Variants in PHACTR1 observed in about 807,000 individuals in gnomAD.
The protein encoded by PHACTR1 is RPEL repeat containing 1.
Under a neutral mutation model 69.2 loss-of-function variants are expected in PHACTR1, and 16 were observed. The ratio of observed to expected loss-of-function variants is 0.23; its 90% CI spans 0.16 to 0.35. The LOEUF (loss-of-function observed/expected upper bound fraction) is 0.35. Ranked by LOEUF, PHACTR1 falls within the 10% of genes least tolerant of loss-of-function variation. PHACTR1 has a pLI of 1.00. For missense variants in PHACTR1, 510 were observed against 734.7 expected, an observed-to-expected ratio of 0.69 and a Z score of 3.54; for synonymous variants, 312 against 284.5, an observed-to-expected ratio of 1.10 and a Z score of -0.97.
At chr6:13,050,317 C>T (rs1296045348) in intron 4 of PHACTR1, among the ~76,000 whole-genome samples, 58 of 152,178 alleles carry the variant, frequency 3.8e-4, no homozygotes, top group Admixed American at 3.8e-3. Flanking sequence ...GTACTTAAAA[C>T]CTTCTGAATC....
chr6:12,845,415 T>G (rs1284126101), intron 4 of PHACTR1, among the ~76,000 whole-genome samples: 2 of 88,968 alleles, frequency 2.2e-5, no homozygotes, highest in African/African-American at 4.3e-5. Flanking sequence ...AAGATGTCAT[T>G]GTGAACACCA....
At chr6:12,957,374 A>G (rs1261633261) in intron 4 of PHACTR1, 2 of 984,874 alleles carry the variant, frequency 2.0e-6, no homozygotes, top group Non-Finnish European at 2.4e-6. Flanking sequence ...AGACTCCCAG[A>G]GATTGGGGAC....
intron 10 of PHACTR1, among the ~76,000 whole-genome samples, chr6:13,264,704 G>C (rs898397492): frequency 2.6e-5 from 4 of 151,234 alleles, no homozygotes; most frequent in African/African-American, 9.7e-5. Context: ...GGGCCACAGA[G>C]TGAGCCCTCA....
At chr6:13,034,658 C>A (rs1803029046) in intron 4 of PHACTR1, among the ~76,000 whole-genome samples, 1 of 152,104 alleles carries the variant, frequency 6.6e-6, no homozygotes, top group African/African-American at 2.4e-5. Flanking sequence ...GACTTGTTTG[C>A]CAGACTTAAA....
chr6:12,959,893 A>T, intron 4 of PHACTR1, among the ~76,000 whole-genome samples: 1 of 152,218 alleles, frequency 6.6e-6, no homozygotes, highest in South Asian at 2.1e-4. Flanking sequence ...GAGGACTTTT[A>T]TGTTGCTTTC....
At chr6:13,018,368 T>G (rs1358829022) in intron 4 of PHACTR1, among the ~76,000 whole-genome samples, 1 of 152,190 alleles carries the variant, frequency 6.6e-6, no homozygotes, top group Non-Finnish European at 1.5e-5. Flanking sequence ...ACTGCCTGTT[T>G]TCAGTGTCTC....
intron 4 of PHACTR1, among the ~76,000 whole-genome samples, chr6:12,941,890 G>A (rs1790098307): frequency 6.6e-6 from 1 of 152,208 alleles, no homozygotes; most frequent in African/African-American, 2.4e-5. Context: ...AAAACATCAT[G>A]AGTGGACCTG....
At chr6:13,213,465 C>G (rs905471989) in intron 8 of PHACTR1, among the ~76,000 whole-genome samples, 1 of 152,326 alleles carries the variant, frequency 6.6e-6, no homozygotes, top group South Asian at 2.1e-4. Flanking sequence ...CTTTTGCATA[C>G]TTGCAACAGG....
chr6:12,938,482 G>T (rs750565093), intron 4 of PHACTR1, among the ~76,000 whole-genome samples: 20 of 152,078 alleles, frequency 1.3e-4, no homozygotes, highest in Non-Finnish European at 2.5e-4. Flanking sequence ...CAATAACACG[G>T]CATGGCCCCA....
At chr6:13,199,571 G>A (rs897895697) in intron 7 of PHACTR1, among the ~76,000 whole-genome samples, 5 of 151,950 alleles carry the variant, frequency 3.3e-5, no homozygotes, top group Non-Finnish European at 7.4e-5. Flanking sequence ...AGTGCACATA[G>A]GGTAAATAAA....
At chr6:12,912,373 G>T (rs1786510628) in intron 4 of PHACTR1, among the ~76,000 whole-genome samples, 1 of 152,142 alleles carries the variant, frequency 6.6e-6, no homozygotes, top group Non-Finnish European at 1.5e-5. Flanking sequence ...CTAATCAGAG[G>T]GCCTATGTTG....
intron 5 of PHACTR1, among the ~76,000 whole-genome samples, chr6:13,097,259 G>A (rs190107151): frequency 6.6e-6 from 1 of 152,302 alleles, no homozygotes; most frequent in Admixed American, 6.5e-5. Context: ...AAAATGGAAA[G>A]CATTGTGCTT....
chr6:12,823,505 GGT>G (rs1776440734), intron 4 of PHACTR1, among the ~76,000 whole-genome samples: 1 of 152,080 alleles, frequency 6.6e-6, no homozygotes, highest in Non-Finnish European at 1.5e-5. Flanking sequence ...GTATTTTCTT[GGT>G]TATTACAAAC....
At chr6:12,750,375 C>G (rs1003395618) in intron 4 of PHACTR1, among the ~76,000 whole-genome samples, 1 of 151,776 alleles carries the variant, frequency 6.6e-6, no homozygotes, top group African/African-American at 2.4e-5. Flanking sequence ...GAACTGGTGC[C>G]CAAAGTGGCC....
chr6:12,807,575 C>T (rs559953452), intron 4 of PHACTR1, among the ~76,000 whole-genome samples: 1 of 152,290 alleles, frequency 6.6e-6, no homozygotes, highest in Admixed American at 6.5e-5. Context: ...TTTAGTTTGT[C>T]AGCAGACTGT....
rs577191245 is a variant in PHACTR1 at position 13,051,741 on chromosome 6, G to A, written c.251-1624G>A. 1.6e-4 allele frequency among the ~76,000 whole-genome samples: 25 copies of A among 152,268 alleles called. No homozygotes were observed. The East Asian group carries it at 4.8e-3, about 29-fold the overall frequency. Reference sequence around the variant, plus strand: ...TTGCTCTCTCCTCTTCACTTACATTGAGTTTTATATTGTAGCTCTGTTGTG... The same window carrying A: ...TTGCTCTCTCCTCTTCACTTACATTAAGTTTTATATTGTAGCTCTGTTGTG... On this transcript the variant is annotated intron_variant, in intron 4 of 14. Transcript: ENST00000332995.
intron 3 of PHACTR1, among the ~76,000 whole-genome samples, chr6:12,737,653 G>A (rs1764468286): frequency 6.6e-6 from 1 of 150,832 alleles, no homozygotes; most frequent in South Asian, 2.1e-4. Flanking sequence ...GGAATGCAGT[G>A]GTATGATGAT....
intron 4 of PHACTR1, among the ~76,000 whole-genome samples, chr6:12,902,668 T>A (rs1785329011): frequency 6.6e-6 from 1 of 152,202 alleles, no homozygotes; most frequent in African/African-American, 2.4e-5. Context: ...TTCCCAGCAT[T>A]CATTTTCTTC....
intron 5 of PHACTR1, among the ~76,000 whole-genome samples, chr6:13,062,816 C>T (rs900294054): frequency 1.6e-4 from 24 of 152,196 alleles, no homozygotes; most frequent in Admixed American, 1.3e-4. Flanking sequence ...TAAAGGGAAA[C>T]ATGGCCTCTT....
Sources: allele counts gnomAD v4.1 joint callset (sites outside exome capture counted in the v4.1 genomes callset), GRCh38; gene constraint gnomAD v4.1.1; transcripts MANE v1.5; gene names NCBI Gene and HGNC (gene_info 2026-07-23, HGNC 2026-07-21).